Variants in BRCC3 observed in about 807,000 individuals in gnomAD.
The protein encoded by BRCC3 is BRCA1/BRCA2-containing complex subunit 3.
In BRCC3, 15 loss-of-function variants were observed where a neutral mutation model predicts 28.0. That is an observed-to-expected ratio of 0.54 (90% CI 0.36 to 0.82). The LOEUF is 0.82. BRCC3 is among the 40% of genes least tolerant of loss of function. The pLI, the probability that BRCC3 is intolerant of heterozygous loss-of-function variation, is 0.01. For synonymous variants in BRCC3, 66 were observed against 80.3 expected, an observed-to-expected ratio of 0.82 and a Z score of 0.95; for missense variants, 109 against 225.9, an observed-to-expected ratio of 0.48 and a Z score of 3.32.
At chrX:155,096,344 G>T (rs1265809447) in intron 7 of BRCC3, among the ~76,000 whole-genome samples, 2 of 112,197 alleles carry the variant, frequency 1.8e-5, no homozygotes, top group African/African-American at 6.5e-5. Flanking sequence ...AGAGGTGGTG[G>T]TTGTACGATA....
At chrX:155,076,506 C>T (rs1040459812) in intron 3 of BRCC3, among the ~76,000 whole-genome samples, 32 of 111,536 alleles carry the variant, frequency 2.9e-4, no homozygotes, top group African/African-American at 1.0e-3. Context: ...AACTTATGAT[C>T]ATGGTGGAAG....
chrX:155,086,010 G>A lies in BRCC3; in HGVS notation c.404-3253G>A, dbSNP rs782268477. On this transcript the variant is annotated intron_variant, in intron 5 of 10. Transcript: ENST00000330045. The stretch of plus-strand genomic sequence containing the variant: ...AGCGCTCTCGATATGAGTTTTGGTA[G>A]CGGCCAGCCTGGGTCTGGGAGCAGA... 4.5e-5 allele frequency among the ~76,000 whole-genome samples: 5 copies of A among 111,641 alleles called. No homozygotes were observed. The South Asian group carries it at 1.9e-3, about 42-fold the overall frequency.
At chrX:155,117,009 G>A (rs782565808) in intron 9 of BRCC3, among the ~76,000 whole-genome samples, 1 of 112,265 alleles carries the variant, frequency 8.9e-6, no homozygotes, top group African/African-American at 3.2e-5. Flanking sequence ...CCTACTCAGT[G>A]ATATACTGGC....
chrX:155,080,706 G>T (rs1421075409), intron 5 of BRCC3, among the ~76,000 whole-genome samples: 1 of 112,239 alleles, frequency 8.9e-6, no homozygotes, highest in Non-Finnish European at 1.9e-5. Context: ...GACTAGGTCT[G>T]TGTTAGCATC....
intron 5 of BRCC3, among the ~76,000 whole-genome samples, chrX:155,087,720 C>T (rs976742229): frequency 1.6e-4 from 18 of 111,562 alleles, no homozygotes; most frequent in African/African-American, 5.9e-4. Context: ...AGAGTGGGAA[C>T]GTGAGGCAAA....
chrX:155,089,438 C>T lies in BRCC3; in HGVS notation c.492+87C>T, dbSNP rs969183559. 4.2e-5 allele frequency: 23 copies of T among 552,859 alleles called. No individual in the cohort carries two copies. In the Admixed American group the frequency reaches 7.3e-4, roughly 18 times the overall value. 45.6% of individuals were successfully genotyped at this position (552,859 alleles called of 1,213,427 possible). On this transcript the variant is annotated intron_variant, in intron 6 of 10. Coordinates refer to ENST00000330045, the MANE Select transcript of BRCC3 (RefSeq NM_001018055.3). ...CACAGAGTAGAGAAAAATCTCTTTG[C>T]GATTTTAATAGGATGGTCAGGAAAG...
At chrX:155,105,075 T>G (rs2074270125) in intron 7 of BRCC3, among the ~76,000 whole-genome samples, 1 of 112,218 alleles carries the variant, frequency 8.9e-6, no homozygotes, top group African/African-American at 3.2e-5. Context: ...ATCAACATGG[T>G]TCAAAAAGTC....
At chrX:155,072,601 G>A (rs888320891) in intron 2 of BRCC3, among the ~76,000 whole-genome samples, 10 of 111,078 alleles carry the variant, frequency 9.0e-5, no homozygotes, top group Non-Finnish European at 1.9e-4. Context: ...TCACTCTGTC[G>A]CCCAGGCTGG....
intron 1 of BRCC3, 133 bp from the exon 2 acceptor site, chrX:155,072,194 C>T (rs1213356504): frequency 3.9e-6 from 2 of 515,181 alleles, no homozygotes; most frequent in African/African-American, 2.3e-5. Context: ...TAGCTGTTTA[C>T]AGTCTAAAGT....
At chrX:155,113,119 C>CTTTTTTTTT (rs35621321) in intron 7 of BRCC3, among the ~76,000 whole-genome samples, 1 of 30,811 alleles carries the variant, frequency 3.2e-5, no homozygotes, top group African/African-American at 1.5e-4. Flanking sequence ...GGCTTGCTTG[C>CTTTTTTTTT]TTTTTTTTTT....
chrX:155,108,114 A>G (rs1166940859), intron 7 of BRCC3, among the ~76,000 whole-genome samples: 1 of 111,792 alleles, frequency 8.9e-6, no homozygotes, highest in East Asian at 2.8e-4. Flanking sequence ...ACTCCTCTCA[A>G]TTGTTATGCC....
At chrX:155,103,194 G>A (rs2074257762) in intron 7 of BRCC3, among the ~76,000 whole-genome samples, 1 of 112,372 alleles carries the variant, frequency 8.9e-6, no homozygotes, top group Non-Finnish European at 1.9e-5. Flanking sequence ...GTATGTATAA[G>A]TTTTATTTAA....
intron 7 of BRCC3, among the ~76,000 whole-genome samples, chrX:155,107,217 T>A (rs2074290266): frequency 8.9e-6 from 1 of 111,932 alleles, no homozygotes; most frequent in African/African-American, 3.2e-5. Flanking sequence ...ATGAGTATAT[T>A]TTTTGTCTTT....
intron 5 of BRCC3, among the ~76,000 whole-genome samples, chrX:155,086,178 T>C (rs1339164039): frequency 1.8e-5 from 2 of 111,260 alleles, no homozygotes; most frequent in Non-Finnish European, 3.8e-5. Flanking sequence ...AGCCGCCCCA[T>C]TGGGAAACTT....
chrX:155,072,748 G>T (rs1298872424), intron 2 of BRCC3, among the ~76,000 whole-genome samples: 3 of 108,660 alleles, frequency 2.8e-5, no homozygotes, highest in African/African-American at 1.0e-4. Context: ...TTGTACAGAC[G>T]GGGTTTCACC....
At chrX:155,108,710 C>T (rs782617742) in intron 7 of BRCC3, among the ~76,000 whole-genome samples, 1 of 111,548 alleles carries the variant, frequency 9.0e-6, no homozygotes, top group South Asian at 3.7e-4. Flanking sequence ...AAGTCATATT[C>T]ATTTTTCTTT....
intron 5 of BRCC3, among the ~76,000 whole-genome samples, chrX:155,088,322 G>A (rs926071991): frequency 9.2e-6 from 1 of 109,043 alleles, no homozygotes; most frequent in Admixed American, 9.7e-5. Context: ...ATGGTCTGAA[G>A]ACTAAATTTA....
At chrX:155,098,723 A>G (rs1000653258) in intron 7 of BRCC3, among the ~76,000 whole-genome samples, 2 of 112,297 alleles carry the variant, frequency 1.8e-5, no homozygotes, top group African/African-American at 3.2e-5. Context: ...AACATAGTCA[A>G]TTTTCACAGC....
chrX:155,098,768 C>T (rs2074227360), intron 7 of BRCC3, among the ~76,000 whole-genome samples: 1 of 112,264 alleles, frequency 8.9e-6, no homozygotes. Flanking sequence ...TATATTTTCT[C>T]TTGGGTACAA....
Sources: allele counts gnomAD v4.1 joint callset (sites outside exome capture counted in the v4.1 genomes callset), GRCh38; gene constraint gnomAD v4.1.1; transcripts MANE v1.5; gene names NCBI Gene and HGNC (gene_info 2026-07-23, HGNC 2026-07-21).